The following RARG variants were observed in gnomAD, a reference collection of about 807,000 sequenced individuals.
RARG encodes retinoic acid receptor gamma, also known as RAR-gamma.
RARG carries 17 observed loss-of-function variants against 43.7 expected under a neutral mutation model. The ratio of observed to expected loss-of-function variants is 0.39; its 90% CI spans 0.27 to 0.58. The LOEUF (loss-of-function observed/expected upper bound fraction) is 0.58. RARG is among the 20% of genes least tolerant of loss of function. The pLI, the probability that RARG is intolerant of heterozygous loss-of-function variation, is 0.57. For missense variants in RARG, 346 were observed against 598.7 expected (o/e 0.58, Z 4.40); for synonymous variants, 238 against 236.4 (o/e 1.01, Z -0.06).
chr12:53,226,971 A>C (rs1943123813), intron 3 of RARG, among the ~76,000 whole-genome samples: 1 of 152,056 alleles, frequency 6.6e-6, no homozygotes, highest in Non-Finnish European at 1.5e-5. Context: ...TCTGCTTCCC[A>C]GTTTGGCTCC....
intron 3 of RARG, among the ~76,000 whole-genome samples, chr12:53,222,732 AC>A (rs1375349682): frequency 6.0e-5 from 9 of 149,448 alleles, no homozygotes; most frequent in Non-Finnish European, 1.3e-4. Flanking sequence ...ATCAACCCTG[AC>A]CCCCCCATTC....
At chr12:53,231,657 C>T (rs546960437) in intron 1 of RARG, 1 of 160,266 alleles carries the variant, frequency 6.2e-6, no homozygotes, top group African/African-American at 2.4e-5. Flanking sequence ...CCTGTCTTCT[C>T]TCACATTCCC....
At chr12:53,223,426 G>A (rs942608015) in intron 3 of RARG, among the ~76,000 whole-genome samples, 2 of 151,554 alleles carry the variant, frequency 1.3e-5, no homozygotes, top group Non-Finnish European at 2.9e-5. Context: ...AGGGATGTGA[G>A]GCGCGTTGGG....
chr12:53,230,293 G>A (rs1943198962), intron 2 of RARG, among the ~76,000 whole-genome samples: 1 of 151,996 alleles, frequency 6.6e-6, no homozygotes. Flanking sequence ...TAGAGCTGAG[G>A]TGGAGTTGAG....
At position 53,211,020 on chromosome 12, in the gene RARG, A is replaced by T. The variant is rs755845723; in HGVS notation, c.*656T>A. On this transcript the variant is annotated 3_prime_UTR_variant, in exon 10 of 10. Coordinates refer to ENST00000425354, the MANE Select transcript of RARG (RefSeq NM_000966.6). The surrounding 1 kb of genome is among the most constrained non-coding windows in gnomAD (Gnocchi z 4.6). ...GGAGGGCAGGAGGAGCCCAAGGCAC[A>T]TGACAGGGCTGGGGGAGGGACTTAT... 3 of 152,802 alleles carry T rather than the reference A, an allele frequency of 2.0e-5. No homozygotes were observed. Among genetic ancestry groups the T allele is most frequent in the African/African-American group, 7.2e-5 (3 of 41,420 alleles). The allele number at this position is 152,802 out of a possible 1,614,324, so 9.5% of individuals were successfully genotyped here. A position where few individuals can be genotyped will look rare whatever the true frequency, so the allele number is the denominator to read the frequency against.
At chr12:53,220,235 C>G in intron 3 of RARG, 5 of 440,600 alleles carry the variant, frequency 1.1e-5, no homozygotes, top group East Asian at 1.5e-4. Context: ...GGGCTGCATG[C>G]GGGTAAGGGG....
rs560762624 is a variant in RARG at position 53,213,026 on chromosome 12, C to T, written c.1177+59G>A. ...TCTTGTCTCTGTGTGTCCTCCTGTC[C>T]GACCTGGGAGACCAACAGCCCTGGG... On this transcript the variant is annotated intron_variant, in intron 9 of 9. Coordinates refer to ENST00000425354, the MANE Select transcript of RARG (RefSeq NM_000966.6). This position sits in a 1 kb window ranked among gnomAD's most constrained non-coding sequence, Gnocchi z 4.7. The T allele has an allele frequency of 3.8e-5, 58 of 1,527,806 alleles. No homozygotes were observed. Among genetic ancestry groups the T allele is most frequent in the South Asian group, 1.7e-4 (14 of 80,768 alleles). The allele number at this position is 1,527,806 out of a possible 1,614,324, so 94.6% of individuals were successfully genotyped here.
chr12:53,220,019 T>A, intron 3 of RARG: 1 of 1,532,442 alleles, frequency 6.5e-7, no homozygotes, highest in Non-Finnish European at 8.8e-7. Flanking sequence ...CCGGTGGCTC[T>A]GCGCAGCAAG....
intron 3 of RARG, among the ~76,000 whole-genome samples, chr12:53,217,164 A>G (rs1171901607): frequency 4.6e-5 from 7 of 152,100 alleles, no homozygotes; most frequent in African/African-American, 1.7e-4. Flanking sequence ...CATACAATCA[A>G]TTAGCATAAG....
intron 3 of RARG, among the ~76,000 whole-genome samples, chr12:53,219,565 G>A (rs970003221): frequency 3.3e-5 from 5 of 152,222 alleles, no homozygotes; most frequent in African/African-American, 1.2e-4. Context: ...CACACGCTCT[G>A]CAAACGATAT....
intron 3 of RARG, among the ~76,000 whole-genome samples, chr12:53,217,583 C>A (rs1403582228): frequency 6.6e-6 from 1 of 152,220 alleles, no homozygotes; most frequent in East Asian, 1.9e-4. Flanking sequence ...ACATCCCCAC[C>A]CCCTGAACCC....
Position 53,227,519 on chromosome 12 carries a change from A to T in RARG, c.27T>A (p.Phe9Leu), listed in dbSNP as rs1943137122. The T allele has an allele frequency of 1.3e-6, 2 of 1,598,404 alleles. No individual in the cohort carries two copies. Among genetic ancestry groups the T allele is most frequent in the South Asian group, 1.1e-5 (1 of 89,008 alleles). The stretch of plus-strand genomic sequence containing the variant: ...ATCCAGGCCCCAGGGCACCAGCCGC[A>T]AAGAGTCGCTCCTTATTGGTGGCCA... MATNKERL[F>L]AAGALGPGSG... Residue 9 changes from phenylalanine to leucine, a missense_variant, in exon 3 of 10, where the codon TTT (phenylalanine) becomes TTA (leucine). Phe to Leu is a conservative substitution (Grantham distance 22). Around this residue, in one of 8 missense-constraint regions of RARG, gnomAD observed 90 missense variants for 93.2 expected, o/e 0.97. Coordinates refer to ENST00000425354, the MANE Select transcript of RARG (RefSeq NM_000966.6). The surrounding 1 kb of genome is among the most constrained non-coding windows in gnomAD (Gnocchi z 4.3).
intron 5 of RARG, 148 bp from the exon 6 acceptor site, chr12:53,214,754 A>G: frequency 1.1e-6 from 1 of 896,452 alleles, no homozygotes. Flanking sequence ...CCTATCACCT[A>G]TAATAGCTCC....
intron 9 of RARG, 115 bp downstream of exon 9, chr12:53,212,970 G>A (rs1942645909): frequency 7.8e-7 from 1 of 1,276,956 alleles, no homozygotes; most frequent in African/African-American, 1.5e-5. Flanking sequence ...TAGGATTCCA[G>A]TGTAGATTGC....
intron 3 of RARG, among the ~76,000 whole-genome samples, chr12:53,225,576 C>T (rs998912814): frequency 1.3e-5 from 2 of 152,202 alleles, no homozygotes; most frequent in East Asian, 1.9e-4. Context: ...TCTGTCTCTG[C>T]GCTCGTGGAG....
intron 2 of RARG, among the ~76,000 whole-genome samples, chr12:53,228,057 G>C (rs945573801): frequency 6.6e-6 from 1 of 152,174 alleles, no homozygotes; most frequent in African/African-American, 2.4e-5. Context: ...TCACATATGA[G>C]GAAACTGAGG....
At position 53,211,710 on chromosome 12, in the gene RARG, C is replaced by T. The variant is rs750716751; in HGVS notation, c.1331G>A (p.Gly444Asp). ...GGACTTCAGGCCCCCTTTGCCCTGG[C>T]CCCCAGGAACCTCATCCTCGCTAGA... Reference protein sequence around the residue: ...NASSEDEVPGGQGKGGLKSPA With the variant: ...NASSEDEVPGDQGKGGLKSPA Residue 444 changes from glycine (G) to aspartate (D), a missense_variant, in exon 10 of 10, where the codon GGC (glycine) becomes GAC (aspartate). Transcript: ENST00000425354. The surrounding 1 kb of genome is among the most constrained non-coding windows in gnomAD (Gnocchi z 4.6). 8.4e-6 allele frequency: 13 copies of T among 1,556,152 alleles called. No individual in the cohort carries two copies. Among genetic ancestry groups the T allele is most frequent in the Non-Finnish European group, 1.1e-5 (13 of 1,152,704 alleles).
At chr12:53,214,813 G>A in intron 5 of RARG, 1 of 550,306 alleles carries the variant, frequency 1.8e-6, no homozygotes, top group Non-Finnish European at 3.1e-6. Flanking sequence ...TGCAGCCCCT[G>A]CTCCTTCCCC....
chr12:53,222,332 G>C (rs1942997088), intron 3 of RARG, among the ~76,000 whole-genome samples: 2 of 152,206 alleles, frequency 1.3e-5, no homozygotes, highest in Non-Finnish European at 1.5e-5. Flanking sequence ...AGAACTTTCT[G>C]AATCAGAATC....
Sources: allele counts gnomAD v4.1 joint callset (sites outside exome capture counted in the v4.1 genomes callset), GRCh38; gene constraint gnomAD v4.1.1; regional missense constraint gnomAD v4.1.1; non-coding constraint Gnocchi (gnomAD v3.1); transcripts MANE v1.5; gene names NCBI Gene and HGNC (gene_info 2026-07-23, HGNC 2026-07-21).